Variants in GLT1D1 observed in about 807,000 individuals in gnomAD.
The protein encoded by GLT1D1 is glycosyltransferase 1 domain containing 1.
GLT1D1 carries 21 observed loss-of-function variants against 28.7 expected under a neutral mutation model. That is an observed-to-expected ratio of 0.73 (90% CI 0.52 to 1.05). The LOEUF (loss-of-function observed/expected upper bound fraction) is 1.05, where lower values mean the gene tolerates loss of function less well. Ranked by LOEUF, GLT1D1 falls within the 50% of genes least tolerant of loss-of-function variation. The probability of loss-of-function intolerance (pLI) is 0.00; values close to 1 mark genes in which losing one functional copy is unlikely to be tolerated. For synonymous variants in GLT1D1, 147 were observed against 124.8 expected (o/e 1.18, Z -1.19); for missense variants, 343 against 330.6 (o/e 1.04, Z -0.29).
intron 4 of GLT1D1, among the ~76,000 whole-genome samples, chr12:128,927,831 C>T (rs572628228): frequency 1.3e-5 from 2 of 150,802 alleles, no homozygotes; most frequent in Non-Finnish European, 3.0e-5. Context: ...AAACCCCCAT[C>T]TCTACTAAAA....
rs544535498 is a variant in GLT1D1, at chr12:128,944,886, T to G, written c.376-440T>G. The stretch of plus-strand genomic sequence containing the variant: ...ATAGGTATACATGTGCCATGGTGGT[T>G]TGCTGCACCCATCAACTCGTCATTT... On this transcript the variant is annotated intron_variant, in intron 4 of 7. Transcript: ENST00000281703. The G allele has an allele frequency of 2.4e-3, 996 of 411,992 alleles. 6 individuals carry two copies. Among genetic ancestry groups the G allele is most frequent in the East Asian group, 0.01 (222 of 21,538 alleles). The allele number at this position is 411,992 out of a possible 1,614,324, so 25.5% of individuals were successfully genotyped here.
At chr12:128,978,587 T>C (rs774147470) in intron 7 of GLT1D1, among the ~76,000 whole-genome samples, 5 of 152,100 alleles carry the variant, frequency 3.3e-5, no homozygotes, top group Admixed American at 6.6e-5. Flanking sequence ...TGACTGCTGA[T>C]CTCTCCCTCC....
At chr12:128,855,631 G>T (rs1309515373) in intron 1 of GLT1D1, among the ~76,000 whole-genome samples, 3 of 151,828 alleles carry the variant, frequency 2.0e-5, no homozygotes, top group African/African-American at 7.3e-5. Flanking sequence ...CTTGGATCTT[G>T]CACAAGCAAG....
chr12:128,894,259 T>C (rs1869387457), intron 3 of GLT1D1, among the ~76,000 whole-genome samples: 1 of 152,146 alleles, frequency 6.6e-6, no homozygotes, highest in African/African-American at 2.4e-5. Flanking sequence ...TGATGGAATG[T>C]GCCTCGACTG....
intron 7 of GLT1D1, among the ~76,000 whole-genome samples, chr12:128,970,973 G>A (rs1277940330): frequency 6.6e-6 from 1 of 152,226 alleles, no homozygotes; most frequent in African/African-American, 2.4e-5. Flanking sequence ...CGTACAAGGC[G>A]CAACCCTTCC....
chr12:128,897,393 C>CT (rs1566112598), intron 3 of GLT1D1, among the ~76,000 whole-genome samples: 2 of 152,038 alleles, frequency 1.3e-5, no homozygotes, highest in African/African-American at 4.8e-5. Flanking sequence ...ATAATCAAAG[C>CT]TTTTTTATCT....
rs200009193 is a variant in GLT1D1, at chr12:128,861,083, C to CT, written c.68+7434_68+7435insT. Among the ~76,000 whole-genome samples the CT allele has an allele frequency of 1.4e-3, 215 of 151,752 alleles. 1 individual carries two copies. Among genetic ancestry groups the CT allele is most frequent in the African/African-American group, 4.0e-3 (166 of 41,426 alleles). ...TTGTGGAGTTGTTTCAAAGGGTGCC[C>CT]CCCGTTATGCTAAAACAGGAGGCTA... On this transcript the variant is annotated intron_variant, in intron 1 of 7. Coordinates refer to ENST00000281703, the MANE Select transcript of GLT1D1 (RefSeq NM_144669.3).
chr12:128,914,609 C>T (rs1871901911), intron 4 of GLT1D1, among the ~76,000 whole-genome samples: 1 of 152,130 alleles, frequency 6.6e-6, no homozygotes, highest in South Asian at 2.1e-4. Context: ...CACTTGAAGT[C>T]AGGAGTTCGA....
At chr12:128,902,020 A>C (rs1870333972) in intron 4 of GLT1D1, among the ~76,000 whole-genome samples, 1 of 151,804 alleles carries the variant, frequency 6.6e-6, no homozygotes, top group African/African-American at 2.4e-5. Context: ...CTACTAACAA[A>C]TCTGAGTTTT....
chr12:128,913,510 C>T (rs531138131), intron 4 of GLT1D1, among the ~76,000 whole-genome samples: 7 of 152,166 alleles, frequency 4.6e-5, no homozygotes, highest in Non-Finnish European at 7.3e-5. Flanking sequence ...TGTGAGCCAC[C>T]GTGCCCGGCC....
At chr12:128,936,579 C>T (rs1273207929) in intron 4 of GLT1D1, among the ~76,000 whole-genome samples, 1 of 152,166 alleles carries the variant, frequency 6.6e-6, no homozygotes, top group Non-Finnish European at 1.5e-5. Flanking sequence ...CTTAGCTCAA[C>T]CGTTTCAACG....
At chr12:128,861,992 T>C (rs544530458) in intron 1 of GLT1D1, among the ~76,000 whole-genome samples, 1 of 152,282 alleles carries the variant, frequency 6.6e-6, no homozygotes, top group East Asian at 1.9e-4. Flanking sequence ...CTTGGTTTTG[T>C]TTGTTTTTTG....
intron 7 of GLT1D1, among the ~76,000 whole-genome samples, chr12:128,967,248 C>T (rs1315385438): frequency 6.6e-6 from 1 of 152,260 alleles, no homozygotes; most frequent in Non-Finnish European, 1.5e-5. Flanking sequence ...TGCATTTTCA[C>T]TAAAGATAGC....
intron 6 of GLT1D1, among the ~76,000 whole-genome samples, chr12:128,950,609 C>T (rs376826358): frequency 6.6e-6 from 1 of 152,136 alleles, no homozygotes; most frequent in Admixed American, 6.5e-5. Context: ...TGATGGTGCC[C>T]CCCCCTCACA....
At chr12:128,918,889 C>T (rs181647545) in intron 4 of GLT1D1, among the ~76,000 whole-genome samples, 1 of 152,300 alleles carries the variant, frequency 6.6e-6, no homozygotes, top group East Asian at 1.9e-4. Flanking sequence ...AGGGAACAGC[C>T]AGGAGATTTT....
At chr12:128,944,582 G>T in intron 4 of GLT1D1, 1 of 747,064 alleles carries the variant, frequency 1.3e-6, no homozygotes. Context: ...GCAGTAAGGC[G>T]TTGTTTAATG....
intron 1 of GLT1D1, among the ~76,000 whole-genome samples, chr12:128,858,182 G>C (rs549433479): frequency 9.2e-5 from 14 of 152,274 alleles, no homozygotes; most frequent in Admixed American, 8.5e-4. Context: ...TGGGAGTCAT[G>C]CCCTACAAAC....
intron 4 of GLT1D1, among the ~76,000 whole-genome samples, chr12:128,935,976 C>T (rs1296462650): frequency 6.6e-6 from 1 of 152,020 alleles, no homozygotes; most frequent in Non-Finnish European, 1.5e-5. Flanking sequence ...ATCCAGCTAC[C>T]TGGGTGCGCA....
chr12:128,900,484 G>A (rs545426272), intron 4 of GLT1D1, among the ~76,000 whole-genome samples: 17 of 152,296 alleles, frequency 1.1e-4, no homozygotes, highest in African/African-American at 3.4e-4. Context: ...AGTTGCACAC[G>A]CCCTGACGGC....
Sources: gnomAD v4.1 joint callset for allele counts (sites outside exome capture counted in the v4.1 genomes callset) on GRCh38, gnomAD v4.1.1 for gene constraint, MANE v1.5 for transcripts, NCBI Gene and HGNC (gene_info 2026-07-23, HGNC 2026-07-21) for gene names.